Variants in ADAM12 observed in about 807,000 individuals in gnomAD.
The protein encoded by ADAM12 is disintegrin and metalloproteinase domain-containing protein 12.
Under a neutral mutation model 106.4 loss-of-function variants are expected in ADAM12, and 70 were observed. That is an observed-to-expected ratio of 0.66 (90% confidence interval 0.54 to 0.80). The LOEUF (loss-of-function observed/expected upper bound fraction) is 0.80, where lower values mean the gene tolerates loss of function less well. Among genes scored for constraint, ADAM12 ranks in the 30% least tolerant of loss-of-function variants. The probability of loss-of-function intolerance (pLI) is 0.00; values close to 1 mark genes in which losing one functional copy is unlikely to be tolerated. For synonymous variants in ADAM12, 420 were observed against 433.5 expected (o/e 0.97, Z 0.39); for missense variants, 1,010 against 1,171.9 (o/e 0.86, Z 2.02).
chr10:126,198,652 G>T (rs1406777586), intron 3 of ADAM12, among the ~76,000 whole-genome samples: 1 of 152,200 alleles, frequency 6.6e-6, no homozygotes, highest in East Asian at 1.9e-4. Context: ...TGCACCTCTG[G>T]ATGAGGCTGA....
intron 3 of ADAM12, among the ~76,000 whole-genome samples, chr10:126,201,763 G>A (rs567828778): frequency 6.6e-6 from 1 of 152,252 alleles, no homozygotes; most frequent in Non-Finnish European, 1.5e-5. Flanking sequence ...ACGGTGAAAT[G>A]AAGAAAGAAA....
At chr10:126,228,369 A>C (rs1485422551) in intron 3 of ADAM12, among the ~76,000 whole-genome samples, 1 of 152,224 alleles carries the variant, frequency 6.6e-6, no homozygotes, top group Non-Finnish European at 1.5e-5. Context: ...GTTTCATATA[A>C]GACCAAGAAC....
intron 4 of ADAM12, among the ~76,000 whole-genome samples, chr10:126,136,174 T>C (rs1240599011): frequency 6.6e-6 from 1 of 152,166 alleles, no homozygotes; most frequent in Non-Finnish European, 1.5e-5. Context: ...TGAAAGTCTA[T>C]CTCGGCAGGA....
At chr10:126,351,725 C>G (rs1470199015) in intron 1 of ADAM12, among the ~76,000 whole-genome samples, 1 of 152,154 alleles carries the variant, frequency 6.6e-6, no homozygotes, top group Non-Finnish European at 1.5e-5. Flanking sequence ...AGGAACAAAT[C>G]TCAAACCTCC....
intron 1 of ADAM12, among the ~76,000 whole-genome samples, chr10:126,387,188 A>G (rs1856693031): frequency 6.6e-6 from 1 of 152,204 alleles, no homozygotes; most frequent in South Asian, 2.1e-4. Context: ...GGCAGAAAGA[A>G]GGCGGCGGCG....
chr10:126,073,240 C>A (rs911112235), intron 11 of ADAM12, among the ~76,000 whole-genome samples: 1 of 152,144 alleles, frequency 6.6e-6, no homozygotes, highest in African/African-American at 2.4e-5. Flanking sequence ...AGGCGCCCAC[C>A]ACCATGCCTG....
At chr10:126,360,636 T>G (rs1295721506) in intron 1 of ADAM12, among the ~76,000 whole-genome samples, 2 of 152,234 alleles carry the variant, frequency 1.3e-5, no homozygotes, top group East Asian at 3.8e-4. Flanking sequence ...TCCATATCAC[T>G]ATCAGCATTT....
At chr10:126,287,536 T>C (rs1158722877) in intron 2 of ADAM12, among the ~76,000 whole-genome samples, 3 of 152,136 alleles carry the variant, frequency 2.0e-5, no homozygotes, top group African/African-American at 7.2e-5. Flanking sequence ...GACCCTTCAA[T>C]GGCAACCTGA....
intron 2 of ADAM12, among the ~76,000 whole-genome samples, chr10:126,279,310 T>C (rs2133754757): frequency 6.6e-6 from 1 of 152,124 alleles, no homozygotes; most frequent in Admixed American, 6.5e-5. Context: ...TTTGTGCCTG[T>C]GGTCCTAGCT....
At chr10:126,032,072 AAAATG>A (rs1258380860) in intron 21 of ADAM12, among the ~76,000 whole-genome samples, 7 of 152,232 alleles carry the variant, frequency 4.6e-5, no homozygotes. Flanking sequence ...ACATTTATAG[AAAATG>A]AAATGGTTTC....
chr10:126,321,905 C>T lies in ADAM12; in HGVS notation c.186+8507G>A, dbSNP rs1317229. ...CTCGCTTAACTTTCTACCTGGGGGTCGGGGGGGGGGCTTCAGCAACCTCAT... is the reference window on the plus strand; with the variant it reads ...CTCGCTTAACTTTCTACCTGGGGGTTGGGGGGGGGGCTTCAGCAACCTCAT... On this transcript the variant is annotated intron_variant, in intron 2 of 22. Coordinates refer to ENST00000448723, the MANE Select transcript of ADAM12 (RefSeq NM_001288973.2). 8.7e-3 allele frequency among the ~76,000 whole-genome samples: 821 copies of T among 94,156 alleles called. 13 individuals are homozygous for T. The highest frequency in any genetic ancestry group is 0.028 in the African/African-American group (760 of 26,976). The allele number at this position is 94,156 out of a possible 152,430, so 61.8% of individuals were successfully genotyped here.
intron 18 of ADAM12, chr10:126,041,985 T>G: frequency 4.9e-6 from 7 of 1,432,560 alleles, no homozygotes; most frequent in Non-Finnish European, 6.4e-6. Flanking sequence ...GGACTTCCCC[T>G]CCTGAGCCCC....
chr10:126,381,356 G>T (rs1354277965), intron 1 of ADAM12, among the ~76,000 whole-genome samples: 1 of 152,002 alleles, frequency 6.6e-6, no homozygotes. Context: ...ACAATAATAG[G>T]CTGCGTACCA....
At position 126,031,516 on chromosome 10, in the gene ADAM12, C is replaced by T. The variant is rs144324312; in HGVS notation, c.2529+4630G>A. The stretch of plus-strand genomic sequence containing the variant: ...AATTGGCTTTGCTCACATCTGCATC[C>T]TGACCAGGCATTTGAAGGAGTAGCT... On this transcript the variant is annotated intron_variant, in intron 21 of 22. Transcript: ENST00000448723. 2.7e-4 allele frequency among the ~76,000 whole-genome samples: 41 copies of T among 152,330 alleles called. No individual in the cohort carries two copies. In the East Asian group the frequency reaches 5.6e-3, roughly 21 times the overall value.
chr10:126,342,333 A>C (rs1259888025), intron 1 of ADAM12, among the ~76,000 whole-genome samples: 1 of 152,224 alleles, frequency 6.6e-6, no homozygotes, highest in Non-Finnish European at 1.5e-5. Flanking sequence ...TGGAGGACCC[A>C]AATGGGCAAT....
chr10:126,380,249 A>G (rs1856443248), intron 1 of ADAM12, among the ~76,000 whole-genome samples: 1 of 152,258 alleles, frequency 6.6e-6, no homozygotes, highest in East Asian at 1.9e-4. Context: ...TTGAAATGGC[A>G]GCCTGTGAGA....
chr10:126,213,008 T>G (rs1426519030), intron 3 of ADAM12, among the ~76,000 whole-genome samples: 5 of 152,170 alleles, frequency 3.3e-5, no homozygotes, highest in African/African-American at 1.2e-4. Flanking sequence ...GGGAGGGATC[T>G]TTAGTAAGTG....
intron 2 of ADAM12, among the ~76,000 whole-genome samples, chr10:126,297,912 G>A (rs1285597312): frequency 1.3e-5 from 2 of 152,092 alleles, no homozygotes; most frequent in Non-Finnish European, 2.9e-5. Context: ...AGACTCACAA[G>A]GCAAGGAAGA....
chr10:126,069,777 G>A (rs1033818613), intron 12 of ADAM12, among the ~76,000 whole-genome samples: 18 of 152,122 alleles, frequency 1.2e-4, no homozygotes, highest in African/African-American at 3.6e-4. Flanking sequence ...TAGTGATGAC[G>A]GTGGCGGCAG....
Sources: gnomAD v4.1 joint callset for allele counts (sites outside exome capture counted in the v4.1 genomes callset) on GRCh38, gnomAD v4.1.1 for gene constraint, MANE v1.5 for transcripts, NCBI Gene and HGNC (gene_info 2026-07-23, HGNC 2026-07-21) for gene names.